The following ASTN2 variants were observed in gnomAD, a reference collection of about 807,000 sequenced individuals.
ASTN2 encodes astrotactin-2.
ASTN2 carries 54 observed loss-of-function variants against 139.8 expected under a neutral mutation model. The observed-to-expected ratio is 0.39, with a 90% CI of 0.31 to 0.48. The LOEUF (loss-of-function observed/expected upper bound fraction) is 0.48. Among genes scored for constraint, ASTN2 ranks in the 20% least tolerant of loss-of-function variants. The pLI, the probability that ASTN2 is intolerant of heterozygous loss-of-function variation, is 0.95. For synonymous variants in ASTN2, 756 were observed against 719.5 expected (o/e 1.05, Z -0.81); for missense variants, 1,565 against 1,725.1 (o/e 0.91, Z 1.64).
At chr9:117,232,139 C>A (rs1247403380) in intron 2 of ASTN2, among the ~76,000 whole-genome samples, 1 of 152,258 alleles carries the variant, frequency 6.6e-6, no homozygotes, top group South Asian at 2.1e-4. Context: ...CTGTCAATTA[C>A]AAAAGCATCT....
At chr9:116,882,044 A>T (rs898137709) in intron 10 of ASTN2, among the ~76,000 whole-genome samples, 2 of 152,158 alleles carry the variant, frequency 1.3e-5, no homozygotes, top group African/African-American at 4.8e-5. Flanking sequence ...TTTTGGAACA[A>T]TAAAAGAATT....
chr9:116,815,804 C>CAAAAAAAAAAAAAAAAAAAAAA lies in ASTN2; in HGVS notation c.2207+4791_2207+4812dup, dbSNP rs55954354. 4.1e-4 allele frequency among the ~76,000 whole-genome samples: 10 copies of CAAAAAAAAAAAAAAAAAAAAAA among 24,106 alleles called. 2 individuals carry two copies. Among genetic ancestry groups the CAAAAAAAAAAAAAAAAAAAAAA allele is most frequent in the African/African-American group, 1.5e-3 (8 of 5,480 alleles). The allele number at this position is 24,106 out of a possible 152,430, so 15.8% of individuals were successfully genotyped here. A position where few individuals can be genotyped will look rare whatever the true frequency, so the allele number is the denominator to read the frequency against. On this transcript the variant is annotated intron_variant, in intron 12 of 22. Coordinates refer to ENST00000313400, the MANE Select transcript of ASTN2 (RefSeq NM_001365068.1). ...TGGGCAACAGAGCGAGACTCCGTCT[C>CAAAAAAAAAAAAAAAAAAAAAA]AAAAAAAAAAAAAAAAAAAAAAAAG...
At chr9:116,935,390 T>C (rs946940203) in intron 10 of ASTN2, among the ~76,000 whole-genome samples, 1 of 152,202 alleles carries the variant, frequency 6.6e-6, no homozygotes, top group African/African-American at 2.4e-5. Context: ...AAAGTAATAC[T>C]GCCTACGTTA....
intron 17 of ASTN2, among the ~76,000 whole-genome samples, chr9:116,623,926 G>A (rs1235007136): frequency 3.9e-5 from 6 of 152,034 alleles, no homozygotes; most frequent in South Asian, 2.1e-4. Context: ...GTTTGCATGC[G>A]TATGTGTCTC....
intron 5 of ASTN2, among the ~76,000 whole-genome samples, chr9:117,065,827 G>C (rs944912181): frequency 6.6e-6 from 1 of 152,050 alleles, no homozygotes; most frequent in African/African-American, 2.4e-5. Flanking sequence ...ATGTGAGGTG[G>C]TATAATATCA....
intron 17 of ASTN2, 98 bp downstream of exon 17, chr9:116,651,430 T>C: frequency 7.5e-7 from 1 of 1,341,572 alleles, no homozygotes; most frequent in Non-Finnish European, 1.0e-6. Context: ...GATATGATGA[T>C]GATCATGATG....
chr9:117,353,248 C>T (rs181755964), intron 1 of ASTN2, among the ~76,000 whole-genome samples: 9 of 152,238 alleles, frequency 5.9e-5, no homozygotes, highest in Non-Finnish European at 1.2e-4. Flanking sequence ...AGACCTCACT[C>T]TGGCTCCAAA....
At chr9:117,355,053 T>A (rs1829499380) in intron 1 of ASTN2, among the ~76,000 whole-genome samples, 1 of 152,232 alleles carries the variant, frequency 6.6e-6, no homozygotes, top group Admixed American at 6.5e-5. Context: ...TGTATATTTC[T>A]TTAATATGAA....
At chr9:117,352,832 T>TA (rs1248230678) in intron 1 of ASTN2, among the ~76,000 whole-genome samples, 3 of 152,108 alleles carry the variant, frequency 2.0e-5, no homozygotes, top group Non-Finnish European at 2.9e-5. Flanking sequence ...CATTTAGCCA[T>TA]AAAAAAGAAT....
Position 116,764,592 on chromosome 9 carries a change from C to A in ASTN2, c.2397-31069G>T, listed in dbSNP as rs976091450. Among the ~76,000 whole-genome samples, 6 of 152,196 alleles carry A rather than the reference C, an allele frequency of 3.9e-5. 1 individual carries two copies. Among genetic ancestry groups the A allele is most frequent in the African/African-American group, 2.4e-5 (1 of 41,450 alleles). On this transcript the variant is annotated intron_variant, in intron 13 of 22. Coordinates refer to ENST00000313400, the MANE Select transcript of ASTN2 (RefSeq NM_001365068.1). Reference sequence around the variant, plus strand: ...GATGAAACTAACAATTGAACCACATCTATTTATTTCTCCATTTAACCTCTT... The same window carrying A: ...GATGAAACTAACAATTGAACCACATATATTTATTTCTCCATTTAACCTCTT...
intron 20 of ASTN2, among the ~76,000 whole-genome samples, chr9:116,471,000 G>T: frequency 6.6e-6 from 1 of 152,090 alleles, no homozygotes; most frequent in South Asian, 2.1e-4. Context: ...ACAAACAAAT[G>T]AAAAATCTCT....
chr9:117,090,593 G>A (rs1828681758), intron 5 of ASTN2, among the ~76,000 whole-genome samples: 1 of 152,208 alleles, frequency 6.6e-6, no homozygotes, highest in African/African-American at 2.4e-5. Flanking sequence ...GTTTTGAAGG[G>A]AAAGAAAATA....
In ASTN2 at chr9:116,805,829, T is replaced by A. The variant is rs752232253; in HGVS notation, c.2208-9A>T. The A allele has an allele frequency of 1.9e-6, 3 of 1,612,038 alleles. No individual in the cohort carries two copies. The highest frequency in any genetic ancestry group is 1.7e-6 in the Non-Finnish European group (2 of 1,178,840). ...TGTACTCCTCCACGCAACTGTATGA[T>A]AAAACAGAGCTCAGAATTAGCTTCA... On this transcript the variant is annotated splice_polypyrimidine_tract_variant and intron_variant, in intron 12 of 22. Transcript: ENST00000313400.
chr9:116,960,769 C>T (rs772694078), intron 10 of ASTN2, among the ~76,000 whole-genome samples: 58 of 152,274 alleles, frequency 3.8e-4, no homozygotes, highest in Non-Finnish European at 7.6e-4. Flanking sequence ...CTGACCTATA[C>T]TATTCTCAGC....
At chr9:116,866,979 A>G (rs1318175177) in intron 10 of ASTN2, among the ~76,000 whole-genome samples, 2 of 152,120 alleles carry the variant, frequency 1.3e-5, no homozygotes, top group Non-Finnish European at 2.9e-5. Context: ...TGAGAAGGAA[A>G]GAAGAGACAC....
chr9:117,177,507 A>T (rs751445845), intron 3 of ASTN2, among the ~76,000 whole-genome samples: 2 of 152,182 alleles, frequency 1.3e-5, no homozygotes, highest in African/African-American at 2.4e-5. Context: ...GAATTGTGTG[A>T]CCAAAGCTAT....
At chr9:116,875,611 T>C (rs1833273951) in intron 10 of ASTN2, among the ~76,000 whole-genome samples, 1 of 152,222 alleles carries the variant, frequency 6.6e-6, no homozygotes, top group Non-Finnish European at 1.5e-5. Flanking sequence ...CAGCCTTGTA[T>C]TGGAAGAAGA....
chr9:117,164,405 G>A (rs1010988062), intron 3 of ASTN2, among the ~76,000 whole-genome samples: 7 of 152,106 alleles, frequency 4.6e-5, no homozygotes, highest in African/African-American at 1.7e-4. Context: ...GTCATTGGGT[G>A]TAAATGAAAA....
chr9:116,647,083 G>A (rs1857628305), intron 17 of ASTN2, among the ~76,000 whole-genome samples: 1 of 152,102 alleles, frequency 6.6e-6, no homozygotes, highest in Admixed American at 6.5e-5. Flanking sequence ...TATGCACTTG[G>A]CCCCCAAAAG....
Sources: allele counts gnomAD v4.1 joint callset (sites outside exome capture counted in the v4.1 genomes callset), GRCh38; gene constraint gnomAD v4.1.1; transcripts MANE v1.5; gene names NCBI Gene and HGNC (gene_info 2026-07-23, HGNC 2026-07-21).